The following ADGRL3 variants were observed in gnomAD, a reference collection of about 807,000 sequenced individuals.
ADGRL3 encodes calcium-independent alpha-latrotoxin receptor 3.
ADGRL3 carries 62 observed loss-of-function variants against 153.5 expected under a neutral mutation model. The observed-to-expected ratio is 0.40, with a 90% CI of 0.33 to 0.50. ADGRL3 has a LOEUF of 0.50. Ranked by LOEUF, ADGRL3 falls within the 20% of genes least tolerant of loss-of-function variation. The pLI, the probability that ADGRL3 is intolerant of heterozygous loss-of-function variation, is 0.47. For synonymous variants in ADGRL3, 710 were observed against 672.5 expected (o/e 1.06, Z -0.86); for missense variants, 1,641 against 1,859.4 (o/e 0.88, Z 2.16).
intron 2 of ADGRL3, among the ~76,000 whole-genome samples, chr4:61,400,660 T>C (rs1001573527): frequency 2.2e-4 from 33 of 151,822 alleles, no homozygotes; most frequent in African/African-American, 8.0e-4. Context: ...TACTTTGTGT[T>C]AAATTTTAAT....
At chr4:61,613,374 G>A (rs4860096) in intron 5 of ADGRL3, among the ~76,000 whole-genome samples, 143,997 of 152,294 alleles carry the variant, frequency 0.95, 68,230 homozygotes, top group Middle Eastern at 0.99. Context: ...TTTAAGACAT[G>A]GTCATGAAAT....
chr4:61,831,061 G>A (rs926656806), intron 9 of ADGRL3, among the ~76,000 whole-genome samples: 1 of 151,828 alleles, frequency 6.6e-6, no homozygotes, highest in African/African-American at 2.4e-5. Context: ...GCTAATTTTT[G>A]TATTTCTAGT....
At chr4:61,794,241 A>G (rs1309182802) in intron 8 of ADGRL3, among the ~76,000 whole-genome samples, 1 of 152,180 alleles carries the variant, frequency 6.6e-6, no homozygotes, top group Non-Finnish European at 1.5e-5. Flanking sequence ...TTATAATTTC[A>G]TTTACCAGTG....
In ADGRL3 at chr4:61,450,255, T is replaced by C. The variant is rs1247049759; in HGVS notation, c.-173-46866T>C. Among the ~76,000 whole-genome samples the C allele has an allele frequency of 2.6e-5, 4 of 152,220 alleles. No homozygotes were observed. The East Asian group carries it at 5.8e-4, about 22-fold the overall frequency. ...CATTAAAGAAAACTGTTAATTTCAC[T>C]ATAGTTTTAAAAATCCCTGAAATTA... On this transcript the variant is annotated intron_variant, in intron 2 of 26. Transcript: ENST00000683033.
chr4:61,353,019 GA>G (rs1325836880), intron 1 of ADGRL3, among the ~76,000 whole-genome samples: 2 of 152,094 alleles, frequency 1.3e-5, no homozygotes, highest in African/African-American at 4.8e-5. Context: ...CCCGAGGTTC[GA>G]AAATCCTATG....
chr4:61,318,449 A>G (rs1305048623), intron 1 of ADGRL3, among the ~76,000 whole-genome samples: 1 of 152,072 alleles, frequency 6.6e-6, no homozygotes, highest in South Asian at 2.1e-4. Context: ...CCTTGCCTTT[A>G]TCTCAAGATT....
chr4:61,676,764 A>T (rs1471432262), intron 5 of ADGRL3, 62 bp from the exon 6 acceptor site: 1 of 1,082,162 alleles, frequency 9.2e-7, no homozygotes, highest in Non-Finnish European at 1.4e-6. Flanking sequence ...ATTAGTGTTG[A>T]TGTTGATAAT....
chr4:61,817,630 T>C (rs1416256904), intron 9 of ADGRL3, among the ~76,000 whole-genome samples: 1 of 152,038 alleles, frequency 6.6e-6, no homozygotes, highest in Non-Finnish European at 1.5e-5. Context: ...TAGTTTGTTC[T>C]CACTCTGCCA....
At chr4:61,212,620 A>G (rs1740633333) in intron 1 of ADGRL3, among the ~76,000 whole-genome samples, 1 of 152,154 alleles carries the variant, frequency 6.6e-6, no homozygotes, top group African/African-American at 2.4e-5. Flanking sequence ...TCCTAAATTT[A>G]TTATTTTACT....
chr4:61,706,075 G>A (rs1052396234), intron 6 of ADGRL3, among the ~76,000 whole-genome samples: 2 of 152,154 alleles, frequency 1.3e-5, no homozygotes, highest in Non-Finnish European at 2.9e-5. Context: ...TTTGAAGCCA[G>A]TTGTTTTCTC....
At chr4:61,956,325 C>T (rs1030027112) in intron 17 of ADGRL3, among the ~76,000 whole-genome samples, 11 of 151,686 alleles carry the variant, frequency 7.3e-5, no homozygotes, top group African/African-American at 1.9e-4. Flanking sequence ...TTGTTGGCTG[C>T]GTAAATGTCG....
chr4:61,217,377 C>G (rs903116485), intron 1 of ADGRL3, among the ~76,000 whole-genome samples: 6 of 152,142 alleles, frequency 3.9e-5, no homozygotes, highest in African/African-American at 1.4e-4. Context: ...AGAATGTGCT[C>G]TCTTCACTTT....
intron 5 of ADGRL3, among the ~76,000 whole-genome samples, chr4:61,646,235 C>T (rs2093976901): frequency 6.6e-6 from 1 of 152,202 alleles, no homozygotes; most frequent in South Asian, 2.1e-4. Context: ...TTTGAATGTC[C>T]TCCCCTAGCT....
At chr4:61,546,796 A>C (rs1245065724) in intron 4 of ADGRL3, among the ~76,000 whole-genome samples, 1 of 152,230 alleles carries the variant, frequency 6.6e-6, no homozygotes, top group African/African-American at 2.4e-5. Context: ...ATAGCACAAA[A>C]AAAATTGAAG....
Position 61,934,865 on chromosome 4 carries a change from T to G in ADGRL3, c.2138T>G (p.Leu713Arg), listed in dbSNP as rs765594098. Reference protein sequence around the residue: ...VQAMVETVNNLLQPQALNAWR... With the variant: ...VQAMVETVNNRLQPQALNAWR... ...GCAATGGTCGAGACAGTTAACAACC[T>G]CCTTCAGCCACAAGCTTTGAATGCA... The change falls in exon 14 of 27, where the codon CTC becomes CGC. Residue 713 changes from leucine (L) to arginine (R), a missense_variant. Transcript: ENST00000683033. 6.2e-7 allele frequency: 1 copy of G among 1,613,706 alleles called. No individual in the cohort carries two copies. Among genetic ancestry groups the G allele is most frequent in the Non-Finnish European group, 8.5e-7 (1 of 1,179,768 alleles).
intron 5 of ADGRL3, among the ~76,000 whole-genome samples, chr4:61,605,351 G>A (rs1376823543): frequency 1.3e-5 from 2 of 151,940 alleles, no homozygotes; most frequent in Non-Finnish European, 2.9e-5. Context: ...TTTACTTTTT[G>A]TGTATAGGCA....
chr4:61,443,368 T>C (rs2097547412), intron 2 of ADGRL3, among the ~76,000 whole-genome samples: 2 of 152,142 alleles, frequency 1.3e-5, no homozygotes, highest in Non-Finnish European at 2.9e-5. Flanking sequence ...TTAAAGTCAA[T>C]TAGAGGCATG....
intron 4 of ADGRL3, among the ~76,000 whole-genome samples, chr4:61,564,511 A>G (rs1360684829): frequency 6.6e-6 from 1 of 152,204 alleles, no homozygotes; most frequent in Non-Finnish European, 1.5e-5. Flanking sequence ...GGGCACCAGC[A>G]GTCTGGCTGC....
chr4:61,496,636 C>A (rs2098321033), intron 2 of ADGRL3, among the ~76,000 whole-genome samples: 1 of 147,478 alleles, frequency 6.8e-6, no homozygotes, highest in Non-Finnish European at 1.5e-5. Flanking sequence ...CAGCGAAATT[C>A]CATTTCAAAA....
Sources: gnomAD v4.1 joint callset for allele counts (sites outside exome capture counted in the v4.1 genomes callset) on GRCh38, gnomAD v4.1.1 for gene constraint, MANE v1.5 for transcripts, NCBI Gene and HGNC (gene_info 2026-07-23, HGNC 2026-07-21) for gene names.